The following TPRX2 variants were observed in gnomAD, a reference collection of about 807,000 sequenced individuals.
The protein encoded by TPRX2 is tetrapeptide repeat homeobox 2.
At chr19:47,860,828 A>T in the TPRX2 span, 2 of 1,537,086 alleles carry the variant, frequency 1.3e-6, no homozygotes, top group Middle Eastern at 2.1e-4. Context: ...GCCGCGCCAA[A>T]CTAGCTCGGG....
At chr19:47,859,303 G>A in the TPRX2 span, among the ~76,000 whole-genome samples, 57 of 150,164 alleles carry the variant, frequency 3.8e-4, no homozygotes, top group Non-Finnish European at 6.6e-4. Context: ...AGGGGCCTGG[G>A]CTGATCCTGT....
chr19:47,860,485 C>A, the TPRX2 span, among the ~76,000 whole-genome samples: 1 of 151,706 alleles, frequency 6.6e-6, no homozygotes, highest in Non-Finnish European at 1.5e-5. Context: ...CCCAGGCTGT[C>A]CCCCACGGGG....
At chr19:47,860,974 T>A in the TPRX2 span, 2 of 1,342,138 alleles carry the variant, frequency 1.5e-6, no homozygotes, top group Non-Finnish European at 2.1e-6. Flanking sequence ...GGTTCCTGGA[T>A]CTCCCCTCAG....
chr19:47,861,139 A>G, the TPRX2 span: 20 of 695,426 alleles, frequency 2.9e-5, no homozygotes, highest in Middle Eastern at 2.3e-4. Context: ...GGCCCAGCCC[A>G]GATCCCAGGC....
At chr19:47,859,814 T>G in the TPRX2 span, among the ~76,000 whole-genome samples, 1 of 150,686 alleles carries the variant, frequency 6.6e-6, no homozygotes, top group Non-Finnish European at 1.5e-5. Context: ...CTATAACCCT[T>G]GGATGGGAGG....
chr19:47,859,675 T>C, the TPRX2 span, among the ~76,000 whole-genome samples: 1 of 148,576 alleles, frequency 6.7e-6, no homozygotes, highest in Non-Finnish European at 1.5e-5. Context: ...ATCACATCAC[T>C]GCACTCCAGC....
At chr19:47,861,326 G>C in the TPRX2 span, 1 of 476,830 alleles carries the variant, frequency 2.1e-6, no homozygotes. Flanking sequence ...GCGCCTTGTG[G>C]CCTCAGAGCC....
chr19:47,861,471 G>T, the TPRX2 span: 2 of 1,106,576 alleles, frequency 1.8e-6, no homozygotes, highest in Non-Finnish European at 1.3e-6. Flanking sequence ...TGGCTTCGTG[G>T]ACAAAAATCA....
chr19:47,859,531 T>A, the TPRX2 span, among the ~76,000 whole-genome samples: 2 of 148,256 alleles, frequency 1.3e-5, no homozygotes, highest in African/African-American at 5.1e-5. Context: ...CGAGCCAACA[T>A]AGTGGAGACC....
the TPRX2 span, among the ~76,000 whole-genome samples, chr19:47,861,690 C>T: frequency 1.3e-5 from 2 of 152,210 alleles, no homozygotes; most frequent in African/African-American, 4.8e-5. Context: ...GCCTGCCTGT[C>T]ATTTGAATTG....
chr19:47,860,356 C>A, the TPRX2 span: 1 of 768,800 alleles, frequency 1.3e-6, no homozygotes, highest in Non-Finnish European at 2.1e-6. Context: ...CTCACCGGGG[C>A]CTGGCCCGCC....
At chr19:47,860,118 C>T in the TPRX2 span, 1 of 1,306,500 alleles carries the variant, frequency 7.7e-7, no homozygotes, top group Non-Finnish European at 1.1e-6. Context: ...CCCAGGCCCT[C>T]CCCTGGCCCT....
the TPRX2 span, chr19:47,860,964 G>T: frequency 7.2e-7 from 1 of 1,398,424 alleles, no homozygotes; most frequent in Non-Finnish European, 9.8e-7. Context: ...GCAGGGCAGG[G>T]GTTCCTGGAT....
chr19:47,859,778 C>T, the TPRX2 span, among the ~76,000 whole-genome samples: 113,544 of 133,530 alleles, frequency 0.85, 47,896 homozygotes, highest in African/African-American at 0.95. Context: ...GGGCAGGTGG[C>T]GGCTCCCCTG....
chr19:47,861,140 G>C, the TPRX2 span: 1 of 695,996 alleles, frequency 1.4e-6, no homozygotes, highest in Admixed American at 2.0e-5. Context: ...GCCCAGCCCA[G>C]ATCCCAGGCC....
the TPRX2 span, chr19:47,860,675 CAT>C: frequency 1.8e-6 from 2 of 1,119,962 alleles, no homozygotes; most frequent in Admixed American, 2.8e-5. Context: ...CGGGGGCCCT[CAT>C]ATGGTGGGTG....
chr19:47,860,784 G>T, the TPRX2 span: 2 of 1,536,804 alleles, frequency 1.3e-6, no homozygotes, highest in East Asian at 4.8e-5. Context: ...CCTTCTCCCT[G>T]TCCCCTCTGC....
the TPRX2 span, chr19:47,861,271 G>A: frequency 1.2e-5 from 6 of 509,076 alleles, no homozygotes; most frequent in African/African-American, 5.8e-5. Flanking sequence ...GTCCTAGGCC[G>A]AACCCTGATG....
chr19:47,860,028 C>T, the TPRX2 span: 5 of 1,352,188 alleles, frequency 3.7e-6, no homozygotes, highest in African/African-American at 5.9e-5. Flanking sequence ...TGCCTGGGCT[C>T]CTGGCCTGGC....
Sources: allele counts gnomAD v4.1 joint callset (sites outside exome capture counted in the v4.1 genomes callset), GRCh38; gene constraint gnomAD v4.1.1; transcripts MANE v1.5; gene names NCBI Gene and HGNC (gene_info 2026-07-23, HGNC 2026-07-21).